The following DGKH variants were observed in gnomAD, a reference collection of about 807,000 sequenced individuals.
DGKH encodes DAG kinase eta.
DGKH carries 90 observed loss-of-function variants against 159.3 expected under a neutral mutation model. The ratio of observed to expected loss-of-function variants is 0.57; its 90% CI spans 0.48 to 0.67. The LOEUF (loss-of-function observed/expected upper bound fraction) is 0.67, where lower values mean the gene tolerates loss of function less well. DGKH is among the 30% of genes least tolerant of loss of function. The probability of loss-of-function intolerance (pLI) is 0.00; values close to 1 mark genes in which losing one functional copy is unlikely to be tolerated. For synonymous variants in DGKH, 536 were observed against 553.8 expected (o/e 0.97, Z 0.45); for missense variants, 1,181 against 1,506.1 (o/e 0.78, Z 3.57).
intron 29 of DGKH, among the ~76,000 whole-genome samples, chr13:42,223,931 T>C (rs1958052366): frequency 6.6e-6 from 1 of 152,156 alleles, no homozygotes; most frequent in Non-Finnish European, 1.5e-5. Flanking sequence ...CCATTGTCTA[T>C]CATTCCACTA....
chr13:42,139,328 C>T (rs1334643295), intron 3 of DGKH, among the ~76,000 whole-genome samples: 1 of 152,218 alleles, frequency 6.6e-6, no homozygotes, highest in African/African-American at 2.4e-5. Context: ...AACTCTGGAG[C>T]TCTGGGAACC....
Position 42,126,260 on chromosome 13 carries a change from G to A in DGKH, c.193-1203G>A, listed in dbSNP as rs193152508. ...TGTGTCAGAAGATGGAAAGTACTTC[G>A]TGGGGTGGGTAATAAGATCAGGATG... On this transcript the variant is annotated intron_variant, in intron 1 of 29. Transcript: ENST00000337343. 3.9e-5 allele frequency among the ~76,000 whole-genome samples: 6 copies of A among 152,246 alleles called. No homozygotes were observed. In the South Asian group the frequency reaches 6.2e-4, roughly 16 times the overall value.
chr13:42,081,165 G>A (rs754938164), intron 1 of DGKH, among the ~76,000 whole-genome samples: 14 of 151,710 alleles, frequency 9.2e-5, no homozygotes, highest in South Asian at 2.1e-4. Flanking sequence ...CAATTTTATC[G>A]TTCTTTATTT....
At chr13:42,172,719 G>A (rs189838413) in intron 11 of DGKH, among the ~76,000 whole-genome samples, 1 of 152,278 alleles carries the variant, frequency 6.6e-6, no homozygotes, top group East Asian at 1.9e-4. Context: ...TGTCATCGAG[G>A]CTGGAGTGCA....
intron 1 of DGKH, among the ~76,000 whole-genome samples, chr13:42,080,079 C>A (rs1699480300): frequency 6.6e-6 from 1 of 152,140 alleles, no homozygotes; most frequent in South Asian, 2.1e-4. Flanking sequence ...AAAATTCTTT[C>A]TTTATCTTTG....
chr13:42,116,278 C>G (rs890544560), intron 1 of DGKH, among the ~76,000 whole-genome samples: 4 of 151,886 alleles, frequency 2.6e-5, no homozygotes, highest in Non-Finnish European at 4.4e-5. Flanking sequence ...AATATATAGG[C>G]CAAAGAAAAA....
chr13:42,243,375 A>G (rs764685757), downstream of DGKH, among the ~76,000 whole-genome samples: 64 of 152,282 alleles, frequency 4.2e-4, no homozygotes, highest in Admixed American at 2.0e-4. Flanking sequence ...TGGTGAAGGA[A>G]TTCTTGATTG....
At chr13:42,111,291 G>A (rs1954858984) in intron 1 of DGKH, among the ~76,000 whole-genome samples, 1 of 152,192 alleles carries the variant, frequency 6.6e-6, no homozygotes, top group South Asian at 2.1e-4. Flanking sequence ...ATTAGAATAT[G>A]TTGGATAGGC....
At chr13:42,243,269 G>A (rs1446821155), downstream of DGKH, among the ~76,000 whole-genome samples, 1 of 152,118 alleles carries the variant, frequency 6.6e-6, no homozygotes, top group Non-Finnish European at 1.5e-5. Context: ...CATACAGTAT[G>A]CGATTTTTTT....
At chr13:42,180,229 G>C (rs775103172) in intron 13 of DGKH, among the ~76,000 whole-genome samples, 55 of 152,228 alleles carry the variant, frequency 3.6e-4, no homozygotes, top group Non-Finnish European at 1.0e-4. Flanking sequence ...GGATGAGAAA[G>C]ACAATAGGGA....
rs915421197 is a variant in DGKH, at chr13:42,238,573, G to A, written c.*9385G>A. The stretch of plus-strand genomic sequence containing the variant: ...TTAAACCAGTAGTTAAAAAGATGGA[G>A]TATGTGATGTTCCTTTCTCTGTACT... On this transcript the variant is annotated 3_prime_UTR_variant, in exon 30 of 30. Transcript: ENST00000337343. 2.0e-5 allele frequency: 3 copies of A among 152,120 alleles called. No homozygotes were observed. Among genetic ancestry groups the A allele is most frequent in the Non-Finnish European group, 4.4e-5 (3 of 67,992 alleles). 9.4% of individuals were successfully genotyped at this position (152,120 alleles called of 1,614,324 possible). A position where few individuals can be genotyped will look rare whatever the true frequency, so the allele number is the denominator to read the frequency against.
chr13:42,204,357 A>G (rs1957413957), intron 20 of DGKH, among the ~76,000 whole-genome samples: 1 of 152,216 alleles, frequency 6.6e-6, no homozygotes, highest in Non-Finnish European at 1.5e-5. Context: ...ACAAACCCCC[A>G]GGTGCATGGA....
At chr13:42,119,075 TG>T (rs1267779562) in intron 1 of DGKH, among the ~76,000 whole-genome samples, 2 of 152,186 alleles carry the variant, frequency 1.3e-5, no homozygotes, top group African/African-American at 4.8e-5. Flanking sequence ...AGCACTTTAA[TG>T]TTCTGTGTTT....
intron 21 of DGKH, among the ~76,000 whole-genome samples, chr13:42,207,482 C>A (rs1957535810): frequency 6.6e-6 from 1 of 151,708 alleles, no homozygotes; most frequent in Non-Finnish European, 1.5e-5. Flanking sequence ...TGAGCCACTG[C>A]ATCCAGCCTC....
chr13:42,249,709 C>T (rs1167915082), intron 29 of DGKH, among the ~76,000 whole-genome samples: 3 of 152,166 alleles, frequency 2.0e-5, no homozygotes, highest in Admixed American at 6.5e-5. Context: ...TAGGTCATAG[C>T]CCACAGTATT....
chr13:42,069,480 A>G (rs1319083447), intron 1 of DGKH: 22 of 1,562,014 alleles, frequency 1.4e-5, no homozygotes, highest in Non-Finnish European at 1.9e-5. Flanking sequence ...CATGTTGGAA[A>G]CTAAATTGAA....
chr13:42,146,882 T>C (rs958366285), intron 3 of DGKH, among the ~76,000 whole-genome samples: 3 of 152,228 alleles, frequency 2.0e-5, no homozygotes, highest in Admixed American at 1.3e-4. Flanking sequence ...GAATTTTGTA[T>C]CATAAATGTT....
In DGKH at chr13:42,248,455, A is replaced by G. The variant is rs1461225784; in HGVS notation, n.4055-3954A>G. On this transcript the variant is annotated intron_variant and non_coding_transcript_variant, in intron 29 of 30. Transcript: ENST00000498255. ...AAATATATATATAATATAGATATAC[A>G]TAAGTATAATATATAATTTATATAT... 1.2e-4 allele frequency among the ~76,000 whole-genome samples: 18 copies of G among 147,478 alleles called. 1 individual carries two copies. The South Asian group carries it at 3.8e-3, about 31-fold the overall frequency.
chr13:42,172,575 G>A (rs570751936), intron 11 of DGKH, among the ~76,000 whole-genome samples: 1 of 152,236 alleles, frequency 6.6e-6, no homozygotes, highest in African/African-American at 2.4e-5. Context: ...ATTTTCCTCT[G>A]GGTTCTATCA....
Sources: gnomAD v4.1 joint callset for allele counts (sites outside exome capture counted in the v4.1 genomes callset) on GRCh38, gnomAD v4.1.1 for gene constraint, MANE v1.5 for transcripts, NCBI Gene and HGNC (gene_info 2026-07-23, HGNC 2026-07-21) for gene names.